PLPPR4: variants seen among roughly 807,000 people sequenced by gnomAD.
The protein encoded by PLPPR4 is phospholipid phosphatase-related protein type 4.
In PLPPR4, 24 loss-of-function variants were observed where a neutral mutation model predicts 56.6. The ratio of observed to expected loss-of-function variants is 0.42; its 90% CI spans 0.31 to 0.60. The LOEUF (loss-of-function observed/expected upper bound fraction) is 0.60. Ranked by LOEUF, PLPPR4 falls within the 20% of genes least tolerant of loss-of-function variation. PLPPR4 has a pLI of 0.13. For missense variants in PLPPR4, 654 were observed against 885.8 expected (o/e 0.74, Z 3.32); for synonymous variants, 326 against 328.1 (o/e 0.99, Z 0.07).
rs1393790257 is a variant in PLPPR4, at chr1:99,306,046, G to A, written c.1184G>A (p.Arg395Gln). The A allele has an allele frequency of 6.2e-7, 1 of 1,614,110 alleles. No individual in the cohort carries two copies. Among genetic ancestry groups the A allele is most frequent in the Non-Finnish European group, 8.5e-7 (1 of 1,180,008 alleles). The change falls in exon 7 of 7, where the codon CGA (arginine) becomes CAA (glutamine). Residue 395 changes from arginine to glutamine, a missense_variant. Arg to Gln is a conservative substitution (Grantham distance 43). Around this residue, in one of 2 missense-constraint regions of PLPPR4, gnomAD observed 468 missense variants for 554.3 expected, o/e 0.84. Transcript: ENST00000370185. This position sits in a 1 kb window ranked among gnomAD's most constrained non-coding sequence, Gnocchi z 4.0. ...ASIHASMDSA[R>Q]SKQLLTQWKN... ...ATTCATGCCTCTATGGATTCCGCTC[G>A]ATCAAAGCAGCTCCTCACCCAGTGG...
chr1:99,287,860 G>A, intron 1 of PLPPR4, 105 bp from the exon 2 acceptor site: 1 of 811,034 alleles, frequency 1.2e-6, no homozygotes, highest in South Asian at 1.8e-5. Context: ...TTTAACTCTG[G>A]AATCGGAGAA....
At chr1:99,266,453 C>T (rs148422312) in intron 1 of PLPPR4, among the ~76,000 whole-genome samples, 154 of 152,302 alleles carry the variant, frequency 1.0e-3, no homozygotes, top group African/African-American at 3.4e-3. Flanking sequence ...CATCTTTAAC[C>T]GGAGTACATG....
chr1:99,262,939 A>G (rs763226991), upstream of PLPPR4, among the ~76,000 whole-genome samples: 6 of 152,218 alleles, frequency 3.9e-5, no homozygotes, highest in Admixed American at 1.3e-4. Context: ...ATTCCAGTCT[A>G]GGCAAGAGAT....
chr1:99,292,115 G>A (rs1006992740), intron 2 of PLPPR4, among the ~76,000 whole-genome samples: 3 of 152,124 alleles, frequency 2.0e-5, no homozygotes, highest in African/African-American at 7.2e-5. Flanking sequence ...TATAAAAACT[G>A]TATTGATATG....
chr1:99,300,260 T>G (rs1659851889), intron 4 of PLPPR4, among the ~76,000 whole-genome samples: 1 of 152,024 alleles, frequency 6.6e-6, no homozygotes, highest in African/African-American at 2.4e-5. Context: ...ATCTCTATTC[T>G]TCTTTTGCCT....
chr1:99,295,173 T>C (rs192193393), intron 2 of PLPPR4, among the ~76,000 whole-genome samples: 205 of 152,346 alleles, frequency 1.3e-3, no homozygotes, highest in Non-Finnish European at 2.2e-3. Context: ...ATGATTGATC[T>C]TAAAATAGTT....
intron 1 of PLPPR4, among the ~76,000 whole-genome samples, chr1:99,278,887 C>G (rs1454506804): frequency 1.3e-5 from 2 of 152,114 alleles, no homozygotes; most frequent in Non-Finnish European, 2.9e-5. Flanking sequence ...TGAGGTAGCT[C>G]TTCTCTATTA....
intron 4 of PLPPR4, among the ~76,000 whole-genome samples, chr1:99,299,814 G>A (rs550428629): frequency 6.6e-6 from 1 of 151,828 alleles, no homozygotes; most frequent in South Asian, 2.1e-4. Flanking sequence ...GAAAATAAAG[G>A]AAACTCAAGA....
chr1:99,283,648 T>C (rs1446346891), intron 1 of PLPPR4, among the ~76,000 whole-genome samples: 2 of 152,172 alleles, frequency 1.3e-5, no homozygotes, highest in African/African-American at 4.8e-5. Context: ...GCTCTATTGC[T>C]GCATAAAAAT....
Position 99,307,186 on chromosome 1 carries a change from G to T in PLPPR4, c.*176G>T. 1.4e-6 allele frequency: 1 copy of T among 707,728 alleles called. No individual in the cohort carries two copies. 43.8% of individuals were successfully genotyped at this position (707,728 alleles called of 1,614,324 possible). ...ACTTGCAGATCTCACATCAAGGAGA[G>T]GGAAAAGCACAATGCAAGAACCTAA... On this transcript the variant is annotated 3_prime_UTR_variant, in exon 7 of 7. Transcript: ENST00000370185.
chr1:99,301,915 A>G lies in PLPPR4; in HGVS notation c.822+18A>G, dbSNP rs757982668. The G allele has an allele frequency of 9.0e-6, 14 of 1,552,950 alleles. No homozygotes were observed. Among genetic ancestry groups the G allele is most frequent in the South Asian group, 4.9e-5 (4 of 81,994 alleles). On this transcript the variant is annotated intron_variant, in intron 6 of 6. Transcript: ENST00000370185. ...TGTACTTGGTAAATAAGTTACTATT[A>G]TCTTATAAGCCAAAGTTTAAAATGG... is the stretch of plus-strand genomic sequence containing the variant.
chr1:99,277,676 G>T (rs946398384), intron 1 of PLPPR4, among the ~76,000 whole-genome samples: 4 of 151,336 alleles, frequency 2.6e-5, no homozygotes, highest in Non-Finnish European at 5.9e-5. Flanking sequence ...GCATGTTCTT[G>T]CTTCAATTTT....
At chr1:99,289,805 A>G (rs1190336318) in intron 2 of PLPPR4, among the ~76,000 whole-genome samples, 1 of 152,146 alleles carries the variant, frequency 6.6e-6, no homozygotes, top group East Asian at 1.9e-4. Flanking sequence ...TCAAAATAAT[A>G]ACAGCCATGT....
intron 1 of PLPPR4, among the ~76,000 whole-genome samples, chr1:99,275,008 T>C (rs1189278415): frequency 6.6e-6 from 1 of 152,190 alleles, no homozygotes; most frequent in East Asian, 1.9e-4. Flanking sequence ...TATGATTCAT[T>C]GGAATCTTTT....
chr1:99,301,297 G>A (rs1659877415), intron 5 of PLPPR4, among the ~76,000 whole-genome samples: 1 of 151,122 alleles, frequency 6.6e-6, no homozygotes, highest in South Asian at 2.1e-4. Flanking sequence ...GACATACAAC[G>A]TGCACACACA....
intron 6 of PLPPR4, among the ~76,000 whole-genome samples, chr1:99,305,362 C>T (rs1341316118): frequency 6.6e-6 from 1 of 152,036 alleles, no homozygotes; most frequent in Admixed American, 6.6e-5. Flanking sequence ...AAATGAATTG[C>T]TTTGAAAAGC....
intron 6 of PLPPR4, among the ~76,000 whole-genome samples, chr1:99,303,570 A>C (rs1414273779): frequency 6.6e-6 from 1 of 152,216 alleles, no homozygotes. Flanking sequence ...AAAGAAACTG[A>C]GAAGAGCTGA....
chr1:99,306,401 T>A lies in PLPPR4; in HGVS notation c.1539T>A (p.Ala513=). The A allele has an allele frequency of 6.2e-7, 1 of 1,614,140 alleles. No homozygotes were observed. The highest frequency in any genetic ancestry group is 8.5e-7 in the Non-Finnish European group (1 of 1,180,026). ...CTCGGGCCAAGTGGTTAAAAGCTGC[T>A]GAAAAGACTGTGGCCTGTAACAGAA... ...SSARAKWLKA[A]EKTVACNRSN... is the part of the protein sequence containing the mutation. Residue 513 remains alanine, a synonymous_variant, in exon 7 of 7, where the codon GCT becomes GCA. Coordinates refer to ENST00000370185, the MANE Select transcript of PLPPR4 (RefSeq NM_014839.5). This position sits in a 1 kb window ranked among gnomAD's most constrained non-coding sequence, Gnocchi z 4.0.
intron 1 of PLPPR4, among the ~76,000 whole-genome samples, chr1:99,287,519 G>A (rs137973114): frequency 0.01 from 1,591 of 152,260 alleles, 19 homozygotes; most frequent in African/African-American, 0.032. Context: ...CAGTGTAAAA[G>A]CGTTTCTAGC....
Sources: allele counts gnomAD v4.1 joint callset (sites outside exome capture counted in the v4.1 genomes callset), GRCh38; gene constraint gnomAD v4.1.1; regional missense constraint gnomAD v4.1.1; non-coding constraint Gnocchi (gnomAD v3.1); transcripts MANE v1.5; gene names NCBI Gene and HGNC (gene_info 2026-07-23, HGNC 2026-07-21).